The following POLR3G variants were observed in gnomAD, a reference collection of about 807,000 sequenced individuals.
The protein encoded by POLR3G is DNA-directed RNA polymerase III subunit RPC7.
Under a neutral mutation model 30.1 loss-of-function variants are expected in POLR3G, and 28 were observed. That is an observed-to-expected ratio of 0.93 (90% CI 0.69 to 1.27). The LOEUF (loss-of-function observed/expected upper bound fraction) is 1.27. POLR3G is among the 50% of genes most tolerant of loss of function. POLR3G has a pLI of 0.00. For missense variants in POLR3G, 254 were observed against 264.6 expected (o/e 0.96, Z 0.28); for synonymous variants, 79 against 82.5 (o/e 0.96, Z 0.23).
chr5:90,474,745 G>GA (rs1750696490), upstream of POLR3G: 1 of 193,480 alleles, frequency 5.2e-6, no homozygotes, highest in South Asian at 8.5e-5. Context: ...AGCTGGCGCA[G>GA]AAAGTGTGGG....
intron 6 of POLR3G, among the ~76,000 whole-genome samples, chr5:90,503,125 A>G (rs939774014): frequency 8.5e-5 from 13 of 152,138 alleles, no homozygotes; most frequent in African/African-American, 3.1e-4. Flanking sequence ...AACAGCTAAC[A>G]CTTTATTGAA....
upstream of POLR3G, chr5:90,474,629 G>A (rs941643866): frequency 9.1e-6 from 3 of 329,836 alleles, no homozygotes; most frequent in African/African-American, 6.7e-5. Flanking sequence ...TGGAGACTCA[G>A]GTGGCGACCG....
Position 90,485,553 on chromosome 5 carries a change from G to T in POLR3G, c.-15G>T, listed in dbSNP as rs779399366. 6.3e-7 allele frequency: 1 copy of T among 1,579,086 alleles called. No individual in the cohort carries two copies. Among genetic ancestry groups the T allele is most frequent in the Non-Finnish European group, 8.7e-7 (1 of 1,150,724 alleles). On this transcript the variant is annotated 5_prime_UTR_variant, in exon 2 of 8. Coordinates refer to ENST00000651687, the MANE Select transcript of POLR3G (RefSeq NM_006467.3). Reference sequence around the variant, plus strand: ...CTTTCAGAATTTGCCCACTCATCTGGTATAACTGGTTCTGATGGCTGGGAA... The same window carrying T: ...CTTTCAGAATTTGCCCACTCATCTGTTATAACTGGTTCTGATGGCTGGGAA...
intron 1 of POLR3G, among the ~76,000 whole-genome samples, chr5:90,480,927 T>C (rs1371672289): frequency 6.6e-6 from 1 of 152,176 alleles, no homozygotes. Flanking sequence ...ACTCAGCAAT[T>C]GAAACAAGTC....
intron 3 of POLR3G, among the ~76,000 whole-genome samples, chr5:90,488,971 A>G (rs1450000939): frequency 6.6e-6 from 1 of 152,200 alleles, no homozygotes; most frequent in Non-Finnish European, 1.5e-5. Context: ...GATTGTTGAG[A>G]TTAGAGAGAC....
chr5:90,485,485 C>A, intron 1 of POLR3G, 40 bp from the exon 2 acceptor site: 1 of 1,002,516 alleles, frequency 1.0e-6, no homozygotes, highest in Non-Finnish European at 1.5e-6. Flanking sequence ...GTGTTGATTT[C>A]TTTTTTATAT....
intron 5 of POLR3G, among the ~76,000 whole-genome samples, chr5:90,501,568 C>T (rs1180394464): frequency 3.3e-5 from 5 of 152,130 alleles, no homozygotes; most frequent in Non-Finnish European, 5.9e-5. Flanking sequence ...GGGAGCCTTT[C>T]ACTATACTCT....
intron 1 of POLR3G, among the ~76,000 whole-genome samples, chr5:90,476,295 A>C (rs2151895857): frequency 6.6e-6 from 1 of 152,318 alleles, no homozygotes; most frequent in South Asian, 2.1e-4. Flanking sequence ...CAAGTCGCTG[A>C]GCTGGGTAAT....
rs188487599 is a variant in POLR3G at position 90,512,351 on chromosome 5, C to T, written c.*212C>T. The T allele has an allele frequency of 2.3e-4, 114 of 491,138 alleles. 1 individual carries two copies. Among genetic ancestry groups the T allele is most frequent in the East Asian group, 1.9e-3 (56 of 30,134 alleles). The allele number at this position is 491,138 out of a possible 1,614,324, so 30.4% of individuals were successfully genotyped here. ...ACTCTGACATTCCTTCTAAACACCTCTGCCATCTCTCTTATGTACTCTCAT... is the reference window on the plus strand; with the variant it reads ...ACTCTGACATTCCTTCTAAACACCTTTGCCATCTCTCTTATGTACTCTCAT... On this transcript the variant is annotated 3_prime_UTR_variant, in exon 8 of 8. Coordinates refer to ENST00000651687, the MANE Select transcript of POLR3G (RefSeq NM_006467.3).
chr5:90,498,599 G>T (rs889506728), intron 5 of POLR3G, among the ~76,000 whole-genome samples: 1 of 152,162 alleles, frequency 6.6e-6, no homozygotes, highest in African/African-American at 2.4e-5. Context: ...TGCTAAGAAA[G>T]ACTTTTCAAT....
chr5:90,488,956 C>T (rs750344881), intron 3 of POLR3G, among the ~76,000 whole-genome samples: 12 of 152,102 alleles, frequency 7.9e-5, no homozygotes, highest in Non-Finnish European at 1.5e-4. Context: ...TCACTTTCTG[C>T]CCTTGATTGT....
chr5:90,511,421 G>C (rs1236211285), intron 7 of POLR3G, among the ~76,000 whole-genome samples: 1 of 152,036 alleles, frequency 6.6e-6, no homozygotes, highest in Non-Finnish European at 1.5e-5. Flanking sequence ...ATCCAAAGTG[G>C]ATTTTTGATT....
rs146411671 is a variant in POLR3G, at chr5:90,476,045, A to C, written c.-44+1025A>C. On this transcript the variant is annotated intron_variant, in intron 1 of 7. Transcript: ENST00000651687. ...TATTTAGGCTTCAGAAATTCCCTTG[A>C]GAACTTAACTAACCTCTTAAGTTAG... is the stretch of plus-strand genomic sequence containing the variant. Among the ~76,000 whole-genome samples the C allele has an allele frequency of 4.3e-4, 65 of 152,328 alleles. No homozygotes were observed. The East Asian group carries it at 0.012, about 29-fold the overall frequency.
upstream of POLR3G, chr5:90,474,132 G>C: frequency 6.3e-7 from 1 of 1,586,298 alleles, no homozygotes; most frequent in Non-Finnish European, 8.6e-7. Context: ...CAGGTACTCC[G>C]GGAGGCTGCG....
At chr5:90,495,314 T>C (rs975639985) in intron 3 of POLR3G, among the ~76,000 whole-genome samples, 13 of 152,210 alleles carry the variant, frequency 8.5e-5, no homozygotes, top group African/African-American at 3.1e-4. Flanking sequence ...CTTGTGCTGC[T>C]GGAAAAGAGT....
chr5:90,502,620 G>GACAA (rs950932783), intron 6 of POLR3G, among the ~76,000 whole-genome samples: 4 of 151,902 alleles, frequency 2.6e-5, no homozygotes. Flanking sequence ...CCTTCCTATA[G>GACAA]ACAACCAATG....
rs1409567197 is a variant in POLR3G, at chr5:90,513,924, ATCTTATCAATATTGT to A, written c.*1789_*1803del. 6.6e-6 allele frequency: 1 copy of A among 152,240 alleles called. No homozygotes were observed. Among genetic ancestry groups the A allele is most frequent in the African/African-American group, 2.4e-5 (1 of 41,476 alleles). The allele number at this position is 152,240 out of a possible 1,614,324, so 9.4% of individuals were successfully genotyped here. A position where few individuals can be genotyped will look rare whatever the true frequency, so the allele number is the denominator to read the frequency against. On this transcript the variant is annotated 3_prime_UTR_variant, in exon 8 of 8. Coordinates refer to ENST00000651687, the MANE Select transcript of POLR3G (RefSeq NM_006467.3). Reference sequence around the variant, plus strand: ...GCCAAATACAATTTAGTTTTCAGAAATCTTATCAATATTGTTCTATTTACCTACTTATAAATCTGC... The same window carrying A: ...GCCAAATACAATTTAGTTTTCAGAAATCTATTTACCTACTTATAAATCTGC...
chr5:90,474,345 C>A, upstream of POLR3G: 1 of 1,525,092 alleles, frequency 6.6e-7, no homozygotes, highest in South Asian at 1.1e-5. Context: ...GAGTCTCCCA[C>A]AGGCTGTCCA....
At chr5:90,477,690 CGTT>C (rs1210831561) in intron 1 of POLR3G, among the ~76,000 whole-genome samples, 19 of 152,142 alleles carry the variant, frequency 1.2e-4, no homozygotes, top group Non-Finnish European at 2.5e-4. Context: ...ATGGAGCTGA[CGTT>C]GTTACTGGTG....
Sources: allele counts gnomAD v4.1 joint callset (sites outside exome capture counted in the v4.1 genomes callset), GRCh38; gene constraint gnomAD v4.1.1; transcripts MANE v1.5; gene names NCBI Gene and HGNC (gene_info 2026-07-23, HGNC 2026-07-21).